DHX35: variants seen among roughly 807,000 people sequenced by gnomAD.
DHX35 encodes the protein DEAH-box helicase 35, also known as probable ATP-dependent RNA helicase DHX35.
DHX35 carries 84 observed loss-of-function variants against 99.6 expected under a neutral mutation model. That is an observed-to-expected ratio of 0.84 (90% CI 0.71 to 1.01). DHX35 has a LOEUF of 1.01. Among genes scored for constraint, DHX35 ranks in the 50% least tolerant of loss-of-function variants. DHX35 has a pLI of 0.00. For synonymous variants in DHX35, 331 were observed against 316.2 expected, an observed-to-expected ratio of 1.05 and a Z score of -0.50; for missense variants, 852 against 888.5, an observed-to-expected ratio of 0.96 and a Z score of 0.52.
chr20:38,997,528 G>A (rs2086449988), intron 8 of DHX35, among the ~76,000 whole-genome samples: 1 of 152,190 alleles, frequency 6.6e-6, no homozygotes, highest in Non-Finnish European at 1.5e-5. Flanking sequence ...AAGACAGCAT[G>A]TAGGAACTTT....
intron 5 of DHX35, among the ~76,000 whole-genome samples, chr20:38,989,478 G>A (rs1397019308): frequency 3.9e-5 from 6 of 152,092 alleles, no homozygotes; most frequent in South Asian, 2.1e-4. Context: ...GTCAGGTTTA[G>A]TCCTTGATTC....
intron 20 of DHX35, among the ~76,000 whole-genome samples, chr20:39,031,704 A>T (rs965244045): frequency 6.6e-6 from 1 of 152,228 alleles, no homozygotes; most frequent in Non-Finnish European, 1.5e-5. Context: ...CTTTACTAGC[A>T]GCATGGATGA....
chr20:39,018,591 T>A (rs1186149473), intron 14 of DHX35, among the ~76,000 whole-genome samples: 1 of 152,150 alleles, frequency 6.6e-6, no homozygotes, highest in Admixed American at 6.5e-5. Flanking sequence ...ATCAGTTTTT[T>A]AAAAAATTGG....
intron 21 of DHX35, 87 bp downstream of exon 21, chr20:39,034,404 C>A: frequency 1.8e-6 from 2 of 1,121,236 alleles, no homozygotes; most frequent in Non-Finnish European, 2.7e-6. Context: ...AATTTAATGC[C>A]CTATGTGTGT....
At chr20:39,004,217 C>T (rs1309658009) in intron 11 of DHX35, among the ~76,000 whole-genome samples, 1 of 152,170 alleles carries the variant, frequency 6.6e-6, no homozygotes, top group Non-Finnish European at 1.5e-5. Context: ...CGCCCGCCAC[C>T]ACACCCGGCT....
intron 21 of DHX35, among the ~76,000 whole-genome samples, chr20:39,036,401 T>G (rs542425095): frequency 4.6e-5 from 7 of 152,246 alleles, no homozygotes; most frequent in Admixed American, 4.6e-4. Flanking sequence ...CATCGGAGTA[T>G]TTTTAGAGAG....
At position 38,962,573 on chromosome 20, in the gene DHX35, C is replaced by G. The variant is rs946108745; in HGVS notation, c.40+166C>G. The G allele has an allele frequency of 3.7e-6, 3 of 808,756 alleles. No homozygotes were observed. In the Admixed American group the frequency reaches 8.5e-5, roughly 23 times the overall value. 50.1% of individuals were successfully genotyped at this position (808,756 alleles called of 1,614,324 possible). A position where few individuals can be genotyped will look rare whatever the true frequency, so the allele number is the denominator to read the frequency against. On this transcript the variant is annotated intron_variant, in intron 1 of 21. Coordinates refer to ENST00000252011, the MANE Select transcript of DHX35 (RefSeq NM_021931.4). ...GCTCTGGCTCAGGCTCCCCAGTGGT[C>G]CCGAGGGATTTGGGGGTGCTCCCCT...
intron 1 of DHX35, 124 bp downstream of exon 1, chr20:38,962,531 G>T (rs2085847624): frequency 3.2e-6 from 4 of 1,251,160 alleles, no homozygotes; most frequent in Non-Finnish European, 4.4e-6. Flanking sequence ...GGGCGCTGCC[G>T]CCTCTGTGCG....
intron 3 of DHX35, among the ~76,000 whole-genome samples, chr20:38,976,604 C>T (rs1322406382): frequency 6.6e-6 from 1 of 152,052 alleles, no homozygotes; most frequent in East Asian, 1.9e-4. Context: ...TGGTGAGAAC[C>T]TTCAAAATCT....
At chr20:38,962,514 G>A in intron 1 of DHX35, 107 bp downstream of exon 1, 1 of 1,390,320 alleles carries the variant, frequency 7.2e-7, no homozygotes, top group Non-Finnish European at 9.8e-7. Context: ...CCTGACCTCG[G>A]CGAGCTGGGC....
At position 38,969,815 on chromosome 20, in the gene DHX35, A is replaced by G. The variant is rs147367950; in HGVS notation, c.174+601A>G. Among the ~76,000 whole-genome samples the G allele has an allele frequency of 3.1e-3, 469 of 152,354 alleles. 3 individuals are homozygous for G. The highest frequency in any genetic ancestry group is 6.8e-3 in the Middle Eastern group (2 of 294). On this transcript the variant is annotated intron_variant, in intron 2 of 21. Coordinates refer to ENST00000252011, the MANE Select transcript of DHX35 (RefSeq NM_021931.4). ...CAGAACTGTTCATTTATGGCTAGCA[A>G]TAATTCTCCAGTACAGATGGACACA...
In DHX35 at chr20:38,988,898, A is replaced by C. The variant is rs535128246; in HGVS notation, c.431A>C (p.Gln144Pro). The change falls in exon 5 of 22, where the codon CAG becomes CCG. Residue 144 changes from glutamine to proline, a missense_variant. Coordinates refer to ENST00000252011, the MANE Select transcript of DHX35 (RefSeq NM_021931.4). Reference sequence around the variant, plus strand: ...ATCCGCTTTGATGACTGCACCGACCAGCTGGCCACGAGAATTAAGGTAAAG... The same window carrying C: ...ATCCGCTTTGATGACTGCACCGACCCGCTGGCCACGAGAATTAAGGTAAAG... ...YCIRFDDCTD[Q>P]LATRIKFLTD... 8.7e-6 allele frequency: 14 copies of C among 1,613,166 alleles called. No homozygotes were observed. In the South Asian group the frequency reaches 1.4e-4, roughly 16 times the overall value.
In DHX35 at chr20:39,010,190, C is replaced by G. The variant is rs183290911; in HGVS notation, c.1223-90C>G. 2.0e-4 allele frequency: 322 copies of G among 1,583,914 alleles called. 1 individual carries two copies. In the East Asian group the frequency reaches 4.0e-3, roughly 20 times the overall value. ...TTCTAGAATCCTAGAGACCCTTGTTCAAGATAGAGAAGAAAATTTGTCCCT... is the reference window on the plus strand; with the variant it reads ...TTCTAGAATCCTAGAGACCCTTGTTGAAGATAGAGAAGAAAATTTGTCCCT... On this transcript the variant is annotated intron_variant, in intron 12 of 21. Transcript: ENST00000252011.
intron 18 of DHX35, among the ~76,000 whole-genome samples, chr20:39,025,820 G>C (rs2086947769): frequency 6.6e-6 from 1 of 152,230 alleles, no homozygotes; most frequent in Admixed American, 6.5e-5. Context: ...GTAAGACGTA[G>C]TCTCTGGCCT....
rs2086245290 is a variant in DHX35, at chr20:38,986,109, TG to T, written c.345+2336del. 3.3e-5 allele frequency among the ~76,000 whole-genome samples: 5 copies of T among 152,266 alleles called. No homozygotes were observed. In the South Asian group the frequency reaches 1.0e-3, roughly 32 times the overall value. ...ATACAACAGTGTCTCGTCTACCTCA[TG>T]GGCTGTGTGTCTATTTAATGAGATA... On this transcript the variant is annotated intron_variant, in intron 4 of 21. Transcript: ENST00000252011.
intron 7 of DHX35, 104 bp from the exon 8 acceptor site, chr20:38,994,717 G>GAA: frequency 3.8e-6 from 3 of 792,350 alleles, no homozygotes; most frequent in South Asian, 2.0e-5. Context: ...AGGCAAAAAA[G>GAA]AAAAAAAAAG....
intron 17 of DHX35, 48 bp from the exon 18 acceptor site, chr20:39,025,182 C>G (rs370434952): frequency 1.5e-5 from 24 of 1,572,524 alleles, no homozygotes; most frequent in Admixed American, 1.1e-4. Context: ...TAGCCTTAGT[C>G]GAGAACATAT....
At chr20:39,034,100 A>G (rs2087103060) in intron 20 of DHX35, 106 bp from the exon 21 acceptor site, 1 of 793,304 alleles carries the variant, frequency 1.3e-6, no homozygotes, top group African/African-American at 1.7e-5. Context: ...TGTCTGGCAC[A>G]TAGAGTAGAA....
intron 4 of DHX35, among the ~76,000 whole-genome samples, chr20:38,984,634 C>T (rs1269239864): frequency 6.6e-6 from 1 of 152,080 alleles, no homozygotes; most frequent in South Asian, 2.1e-4. Context: ...TTATAGTTTC[C>T]TGTTATGAAA....
Sources: allele counts gnomAD v4.1 joint callset (sites outside exome capture counted in the v4.1 genomes callset), GRCh38; gene constraint gnomAD v4.1.1; transcripts MANE v1.5; gene names NCBI Gene and HGNC (gene_info 2026-07-23, HGNC 2026-07-21).